Variants in SLC5A4 observed in about 807,000 individuals in gnomAD.
SLC5A4 encodes probable glucose sensor protein SLC5A4.
Under a neutral mutation model 70.3 loss-of-function variants are expected in SLC5A4, and 55 were observed. The observed-to-expected ratio is 0.78, with a 90% CI of 0.63 to 0.98. The LOEUF (loss-of-function observed/expected upper bound fraction) is 0.98. Among genes scored for constraint, SLC5A4 ranks in the 50% least tolerant of loss-of-function variants. The pLI, the probability that SLC5A4 is intolerant of heterozygous loss-of-function variation, is 0.00. For synonymous variants in SLC5A4, 268 were observed against 305.7 expected (o/e 0.88, Z 1.29); for missense variants, 735 against 839.2 (o/e 0.88, Z 1.53).
chr22:32,240,370 C>T (rs572452314), intron 5 of SLC5A4, among the ~76,000 whole-genome samples: 7 of 152,190 alleles, frequency 4.6e-5, no homozygotes, highest in African/African-American at 1.7e-4. Context: ...CTTATCTACA[C>T]TGTTTGGCTC....
At chr22:32,330,729 T>A in the SLC5A4 span, among the ~76,000 whole-genome samples, 2 of 103,406 alleles carry the variant, frequency 1.9e-5, no homozygotes, top group East Asian at 6.4e-4. Context: ...CTGGTGTGTA[T>A]GTTGGGGGCT....
At chr22:32,337,788 T>C in the SLC5A4 span, among the ~76,000 whole-genome samples, 1 of 152,186 alleles carries the variant, frequency 6.6e-6, no homozygotes, top group Non-Finnish European at 1.5e-5. Context: ...GAGATACAAG[T>C]AGTCACCACT....
the SLC5A4 span, among the ~76,000 whole-genome samples, chr22:32,278,758 T>A: frequency 6.6e-6 from 1 of 152,298 alleles, no homozygotes; most frequent in Middle Eastern, 3.4e-3. Flanking sequence ...ATCAGAATTT[T>A]CTACATTGTA....
At chr22:32,310,048 G>A in the SLC5A4 span, among the ~76,000 whole-genome samples, 1 of 149,202 alleles carries the variant, frequency 6.7e-6, no homozygotes, top group East Asian at 2.0e-4. Flanking sequence ...CTGGGTGGCA[G>A]CGGGGTGGGG....
chr22:32,347,215 G>A, the SLC5A4 span, among the ~76,000 whole-genome samples: 1 of 152,184 alleles, frequency 6.6e-6, no homozygotes, highest in Non-Finnish European at 1.5e-5. Context: ...ACAGGTGCTG[G>A]AGAGGATGTG....
the SLC5A4 span, among the ~76,000 whole-genome samples, chr22:32,322,371 C>T: frequency 2.6e-5 from 4 of 152,012 alleles, no homozygotes; most frequent in East Asian, 1.9e-4. Context: ...GGGTGGATCA[C>T]GAGGTCAGGA....
chr22:32,341,088 G>A, the SLC5A4 span, among the ~76,000 whole-genome samples: 2 of 152,174 alleles, frequency 1.3e-5, no homozygotes, highest in Non-Finnish European at 2.9e-5. Context: ...GGACGTGGAT[G>A]TGCCAGTCTC....
At chr22:32,304,951 C>G in the SLC5A4 span, among the ~76,000 whole-genome samples, 1 of 152,182 alleles carries the variant, frequency 6.6e-6, no homozygotes, top group African/African-American at 2.4e-5. Flanking sequence ...TGAATGTCCA[C>G]TTGTTCCAGC....
chr22:32,309,515 G>A, the SLC5A4 span, among the ~76,000 whole-genome samples: 1 of 152,096 alleles, frequency 6.6e-6, no homozygotes, highest in East Asian at 1.9e-4. Context: ...TCACTACCCT[G>A]CATCTTGTTT....
rs755553343 is a variant in SLC5A4, at chr22:32,229,345, C to G, written c.1130-1G>C. 9.3e-6 allele frequency: 15 copies of G among 1,613,894 alleles called. No individual in the cohort carries two copies. Among genetic ancestry groups the G allele is most frequent in the Non-Finnish European group, 1.3e-5 (15 of 1,179,906 alleles). ...ACCGAAAGCATCAGGCCTCGCAGTC[C>G]TGGAGCCGGGAAAGGGTACAAGCAC... On this transcript the variant is annotated splice_acceptor_variant, in intron 10 of 14. Coordinates refer to ENST00000266086, the MANE Select transcript of SLC5A4 (RefSeq NM_014227.3). LOFTEE classifies it high-confidence loss of function.
the SLC5A4 span, among the ~76,000 whole-genome samples, chr22:32,340,395 A>G: frequency 6.6e-6 from 1 of 152,180 alleles, no homozygotes; most frequent in African/African-American, 2.4e-5. Context: ...TGTGTCAGGC[A>G]CTGTTCTATA....
chr22:32,285,014 A>G, the SLC5A4 span: 38 of 152,222 alleles, frequency 2.5e-4, 1 homozygote, highest in Admixed American at 2.5e-3. Flanking sequence ...TCAAAAAAGC[A>G]TTTTGTGAGA....
intron 2 of SLC5A4, among the ~76,000 whole-genome samples, chr22:32,252,370 T>G (rs919459109): frequency 1.3e-5 from 2 of 152,196 alleles, no homozygotes; most frequent in Non-Finnish European, 2.9e-5. Context: ...CCAAGAATGT[T>G]TTTTTACATT....
At chr22:32,307,882 C>A in the SLC5A4 span, among the ~76,000 whole-genome samples, 1 of 152,122 alleles carries the variant, frequency 6.6e-6, no homozygotes, top group African/African-American at 2.4e-5. Context: ...CCTCTGATAC[C>A]CACCACGTGA....
chr22:32,302,469 TTTAG>T, the SLC5A4 span, among the ~76,000 whole-genome samples: 1 of 152,208 alleles, frequency 6.6e-6, no homozygotes, highest in Non-Finnish European at 1.5e-5. Flanking sequence ...TATATTCTAC[TTTAG>T]TATTATTTTT....
the SLC5A4 span, among the ~76,000 whole-genome samples, chr22:32,262,033 T>C: frequency 1.5e-4 from 23 of 152,260 alleles, no homozygotes; most frequent in African/African-American, 5.1e-4. Flanking sequence ...TAGTATTCCA[T>C]TGTGCATATA....
At chr22:32,219,630 C>CAAAAAAAAAAAAAAAA in intron 14 of SLC5A4, among the ~76,000 whole-genome samples, 26 of 28,856 alleles carry the variant, frequency 9.0e-4, no homozygotes, top group Non-Finnish European at 1.1e-3. Context: ...TCCAACTTAG[C>CAAAAAAAAAAAAAAAA]AAAAAAAAAA....
chr22:32,224,644 G>C (rs540350055), intron 12 of SLC5A4, among the ~76,000 whole-genome samples, 162 bp from the exon 13 acceptor site: 2 of 152,254 alleles, frequency 1.3e-5, no homozygotes, highest in Middle Eastern at 3.4e-3. Flanking sequence ...AAATACATGT[G>C]CTTCTTAGTT....
intron 3 of SLC5A4, among the ~76,000 whole-genome samples, chr22:32,249,774 C>T (rs1927035629): frequency 6.6e-6 from 1 of 152,254 alleles, no homozygotes; most frequent in South Asian, 2.1e-4. Flanking sequence ...AACTCAAAAG[C>T]TGTTGGTGGC....
Sources: allele counts gnomAD v4.1 joint callset (sites outside exome capture counted in the v4.1 genomes callset), GRCh38; gene constraint gnomAD v4.1.1; transcripts MANE v1.5; gene names NCBI Gene and HGNC (gene_info 2026-07-23, HGNC 2026-07-21).